The following EPHA4 variants were observed in gnomAD, a reference collection of about 807,000 sequenced individuals.
EPHA4 encodes ephrin type-A receptor 4.
EPHA4 carries 19 observed loss-of-function variants against 108.3 expected under a neutral mutation model. The ratio of observed to expected loss-of-function variants is 0.18; its 90% confidence interval spans 0.12 to 0.26. The LOEUF is 0.26. EPHA4 is among the 10% of genes least tolerant of loss of function. The pLI is 1.00. For missense variants in EPHA4, 917 were observed against 1,254.0 expected, an observed-to-expected ratio of 0.73 and a Z score of 4.06; for synonymous variants, 449 against 455.5, an observed-to-expected ratio of 0.99 and a Z score of 0.18.
intron 4 of EPHA4, among the ~76,000 whole-genome samples, chr2:221,496,623 G>C (rs1692302699): frequency 6.6e-6 from 1 of 152,134 alleles, no homozygotes. Flanking sequence ...GTTTAGTTCT[G>C]TTGGCCGGGT....
chr2:221,515,960 G>GAA (rs71050339), intron 3 of EPHA4, among the ~76,000 whole-genome samples: 1,709 of 140,834 alleles, frequency 0.012, 27 homozygotes, highest in African/African-American at 0.038. Flanking sequence ...GATTTGAAGG[G>GAA]AAAAAAAAAA....
intron 3 of EPHA4, among the ~76,000 whole-genome samples, chr2:221,518,019 A>T (rs533472628): frequency 9.8e-5 from 15 of 152,352 alleles, no homozygotes; most frequent in East Asian, 3.9e-4. Context: ...TCAGGTTGAC[A>T]TTAGGTAGCT....
At chr2:221,457,803 A>C in intron 6 of EPHA4, 63 bp downstream of exon 6, 5 of 1,576,838 alleles carry the variant, frequency 3.2e-6, no homozygotes, top group Non-Finnish European at 4.3e-6. Flanking sequence ...AAAGGAAAGA[A>C]GAAAACAAAG....
At chr2:221,533,174 A>C (rs1348963918) in intron 3 of EPHA4, among the ~76,000 whole-genome samples, 1 of 152,262 alleles carries the variant, frequency 6.6e-6, no homozygotes, top group East Asian at 1.9e-4. Flanking sequence ...TGGGAAAGTT[A>C]CATTGAACAA....
intron 3 of EPHA4, among the ~76,000 whole-genome samples, chr2:221,513,656 T>G (rs1185436182): frequency 6.6e-6 from 1 of 152,114 alleles, no homozygotes; most frequent in Non-Finnish European, 1.5e-5. Context: ...AAAAAATGAG[T>G]GTATATATTA....
intron 3 of EPHA4, among the ~76,000 whole-genome samples, chr2:221,545,174 G>A (rs751472600): frequency 2.6e-5 from 4 of 152,132 alleles, no homozygotes; most frequent in Non-Finnish European, 4.4e-5. Context: ...ATGGCCGGGC[G>A]CGGTGGCTCA....
At chr2:221,432,789 G>C (rs62178656) in intron 14 of EPHA4, among the ~76,000 whole-genome samples, 27,937 of 147,746 alleles carry the variant, frequency 0.19, 3,952 homozygotes, top group African/African-American at 0.4. Context: ...GACTACAGGC[G>C]CACACCACCA....
At chr2:221,454,888 G>T (rs779101507) in intron 8 of EPHA4, among the ~76,000 whole-genome samples, 5 of 152,110 alleles carry the variant, frequency 3.3e-5, no homozygotes, top group Non-Finnish European at 5.9e-5. Flanking sequence ...CCAAGACAAT[G>T]CCATGCCCGA....
At chr2:221,566,163 A>G (rs1694621628) in intron 2 of EPHA4, among the ~76,000 whole-genome samples, 1 of 152,212 alleles carries the variant, frequency 6.6e-6, no homozygotes, top group African/African-American at 2.4e-5. Context: ...TTGTTCTTAT[A>G]GACAAACAAT....
At chr2:221,459,571 A>ACAC (rs1386603673) in intron 5 of EPHA4, among the ~76,000 whole-genome samples, 1 of 152,108 alleles carries the variant, frequency 6.6e-6, no homozygotes, top group Non-Finnish European at 1.5e-5. Context: ...AGGCACACAC[A>ACAC]CACATACACA....
At chr2:221,444,740 CTATCTT>C (rs1284222196) in intron 9 of EPHA4, among the ~76,000 whole-genome samples, 1 of 86,314 alleles carries the variant, frequency 1.2e-5, no homozygotes, top group Non-Finnish European at 2.4e-5. Context: ...CTCTTTTTTT[CTATCTT>C]TTTTTTTTTT....
chr2:221,479,912 T>C (rs1307842896), intron 5 of EPHA4, among the ~76,000 whole-genome samples: 1 of 152,162 alleles, frequency 6.6e-6, no homozygotes, highest in Non-Finnish European at 1.5e-5. Context: ...TGGAATTTTG[T>C]CCTGTTCAGC....
rs560424392 is a variant in EPHA4, at chr2:221,426,475, G to A, written c.2835C>T (p.His945=). ...CGTTGAGTACTTACTCCTGGTTCAC[G>A]TGCACCACAGCCTCTAGTGTGGTAT... is the stretch of plus-strand genomic sequence containing the variant. ...AGYTTLEAVV[H]VNQEDLARIG... is the part of the protein sequence containing the mutation. Residue 945 remains histidine, a synonymous_variant, in exon 16 of 18, where the codon CAC becomes CAT. Coordinates refer to ENST00000281821, the MANE Select transcript of EPHA4 (RefSeq NM_004438.5). 9 of 1,604,194 alleles carry A rather than the reference G, an allele frequency of 5.6e-6. No individual in the cohort carries two copies. The highest frequency in any genetic ancestry group is 2.3e-5 in the South Asian group (2 of 88,542).
At chr2:221,551,123 T>G (rs1694146195) in intron 3 of EPHA4, among the ~76,000 whole-genome samples, 1 of 152,106 alleles carries the variant, frequency 6.6e-6, no homozygotes, top group African/African-American at 2.4e-5. Flanking sequence ...ATAAGAGGCT[T>G]AATTTTTTAA....
At chr2:221,565,499 G>GC (rs1341809306) in intron 2 of EPHA4, among the ~76,000 whole-genome samples, 1 of 152,088 alleles carries the variant, frequency 6.6e-6, no homozygotes, top group Non-Finnish European at 1.5e-5. Flanking sequence ...ACAAGAGATA[G>GC]TTTTTTTAAA....
At chr2:221,501,389 C>A in intron 3 of EPHA4, 1 of 413,748 alleles carries the variant, frequency 2.4e-6, no homozygotes. Context: ...GTCAAGAAGT[C>A]CAAAGGAAGA....
At chr2:221,554,665 C>G (rs1003133982) in intron 3 of EPHA4, among the ~76,000 whole-genome samples, 1 of 152,092 alleles carries the variant, frequency 6.6e-6, no homozygotes, top group Non-Finnish European at 1.5e-5. Context: ...ATAGTCAATA[C>G]ACATTTTAAA....
At chr2:221,438,819 TGCTGCATTG>T (rs1214392250) in intron 11 of EPHA4, among the ~76,000 whole-genome samples, 2 of 152,066 alleles carry the variant, frequency 1.3e-5, no homozygotes, top group Non-Finnish European at 2.9e-5. Flanking sequence ...CACTTTTTAT[TGCTGCATTG>T]GCTGATTATT....
rs1346013321 is a variant in EPHA4 at position 221,572,148 on chromosome 2, C to T, written c.91+10G>A. On this transcript the variant is annotated intron_variant, in intron 1 of 17. Transcript: ENST00000281821. Reference sequence around the variant, plus strand: ...TGTCCCCGACCACAGAAAGGCCGTCCCGCTCTTACCTTCATTCGCGGGGTA... The same window carrying T: ...TGTCCCCGACCACAGAAAGGCCGTCTCGCTCTTACCTTCATTCGCGGGGTA... 2 of 1,612,606 alleles carry T rather than the reference C, an allele frequency of 1.2e-6. No individual in the cohort carries two copies. Among genetic ancestry groups the T allele is most frequent in the East Asian group, 4.5e-5 (2 of 44,838 alleles).
Sources: allele counts gnomAD v4.1 joint callset (sites outside exome capture counted in the v4.1 genomes callset), GRCh38; gene constraint gnomAD v4.1.1; transcripts MANE v1.5; gene names NCBI Gene and HGNC (gene_info 2026-07-23, HGNC 2026-07-21).